ETNK1: variants seen among roughly 807,000 people sequenced by gnomAD.
ETNK1 encodes putative protein product of Nbla10396.
In ETNK1, 8 loss-of-function variants were observed where a neutral mutation model predicts 45.1. That is an observed-to-expected ratio of 0.18 (90% CI 0.10 to 0.32). The LOEUF is 0.32. Ranked by LOEUF, ETNK1 falls within the 10% of genes least tolerant of loss-of-function variation. ETNK1 has a pLI of 1.00. For missense variants in ETNK1, 302 were observed against 430.6 expected (o/e 0.70, Z 2.64); for synonymous variants, 152 against 151.9 (o/e 1.00, Z -0.01).
At chr12:22,627,033 G>C (rs1406993143) in intron 1 of ETNK1, among the ~76,000 whole-genome samples, 1 of 152,086 alleles carries the variant, frequency 6.6e-6, no homozygotes, top group Non-Finnish European at 1.5e-5. Flanking sequence ...TCTAGTGTTG[G>C]CAGATCAGTT....
chr12:22,686,447 G>T lies in ETNK1; in HGVS notation c.*1493G>T, dbSNP rs1954261241. ...TTTATCCTCTGAGAAATCTTCTGAG[G>T]AGTCTAATGTATTCCAAATGACTTA... On this transcript the variant is annotated 3_prime_UTR_variant, in exon 8 of 8. Coordinates refer to ENST00000266517, the MANE Select transcript of ETNK1 (RefSeq NM_018638.5). The T allele has an allele frequency of 6.6e-6, 1 of 152,274 alleles. No homozygotes were observed. Among genetic ancestry groups the T allele is most frequent in the Admixed American group, 6.6e-5 (1 of 15,226 alleles). The allele number at this position is 152,274 out of a possible 1,614,324, so 9.4% of individuals were successfully genotyped here. A position where few individuals can be genotyped will look rare whatever the true frequency, so the allele number is the denominator to read the frequency against.
intron 1 of ETNK1, among the ~76,000 whole-genome samples, chr12:22,639,626 G>A (rs1953709171): frequency 2.0e-5 from 3 of 151,806 alleles, no homozygotes; most frequent in Non-Finnish European, 4.4e-5. Context: ...GCAGTGAGCC[G>A]AGATCGTGCC....
intron 6 of ETNK1, among the ~76,000 whole-genome samples, chr12:22,676,898 C>G (rs1412126535): frequency 6.6e-6 from 1 of 151,130 alleles, no homozygotes; most frequent in Non-Finnish European, 1.5e-5. Context: ...TTTGTAGATT[C>G]TGGATATTAG....
intron 1 of ETNK1, among the ~76,000 whole-genome samples, chr12:22,639,397 C>T (rs1953700745): frequency 6.6e-6 from 1 of 152,074 alleles, no homozygotes; most frequent in African/African-American, 2.4e-5. Context: ...GAAGATCTGG[C>T]CGGGCGCTGT....
At chr12:22,682,052 C>A (rs2137578516) in intron 6 of ETNK1, among the ~76,000 whole-genome samples, 1 of 152,162 alleles carries the variant, frequency 6.6e-6, no homozygotes, top group African/African-American at 2.4e-5. Context: ...TTGAATGATT[C>A]TTTTACCTGT....
chr12:22,633,882 A>G (rs10047544), intron 1 of ETNK1, among the ~76,000 whole-genome samples: 8,950 of 152,004 alleles, frequency 0.059, 840 homozygotes, highest in African/African-American at 0.2. Flanking sequence ...TATGTAGATT[A>G]TTTTGTATTT....
intron 2 of ETNK1, chr12:22,656,844 ATC>A (rs1953948164): frequency 1.0e-6 from 1 of 966,944 alleles, no homozygotes; most frequent in Non-Finnish European, 1.2e-6. Context: ...CTCCTAAATC[ATC>A]TGTTTCATTT....
chr12:22,674,087 G>T (rs1240468033), intron 6 of ETNK1, among the ~76,000 whole-genome samples: 2 of 152,156 alleles, frequency 1.3e-5, no homozygotes, highest in East Asian at 1.9e-4. Context: ...GTAGGATTAT[G>T]TTTTTTATGA....
At chr12:22,632,298 G>A (rs1030788578) in intron 1 of ETNK1, among the ~76,000 whole-genome samples, 7 of 151,712 alleles carry the variant, frequency 4.6e-5, no homozygotes, top group African/African-American at 1.2e-4. Flanking sequence ...ATTCACAACC[G>A]TTTTATTTTT....
chr12:22,667,870 A>G (rs905477341), intron 4 of ETNK1, among the ~76,000 whole-genome samples: 7 of 152,160 alleles, frequency 4.6e-5, no homozygotes, highest in Non-Finnish European at 7.4e-5. Flanking sequence ...TTGGCAGAGT[A>G]TTTTTAGTAT....
intron 6 of ETNK1, among the ~76,000 whole-genome samples, chr12:22,675,245 A>T (rs1954148615): frequency 6.6e-6 from 1 of 151,436 alleles, no homozygotes; most frequent in African/African-American, 2.4e-5. Context: ...TTCTGTGGAG[A>T]TGAGGTCTCT....
chr12:22,664,955 G>A (rs946384812), intron 4 of ETNK1, among the ~76,000 whole-genome samples: 1 of 151,960 alleles, frequency 6.6e-6, no homozygotes, highest in Non-Finnish European at 1.5e-5. Flanking sequence ...ACAAATTTTA[G>A]GCAAACTTCT....
chr12:22,643,679 T>G, intron 1 of ETNK1, 84 bp from the exon 2 acceptor site: 1 of 1,160,274 alleles, frequency 8.6e-7, no homozygotes, highest in Non-Finnish European at 1.2e-6. Flanking sequence ...AATTAGTATT[T>G]AACTCATGAT....
At chr12:22,683,152 G>GT (rs890980501) in intron 6 of ETNK1, among the ~76,000 whole-genome samples, 1 of 151,822 alleles carries the variant, frequency 6.6e-6, no homozygotes, top group African/African-American at 2.4e-5. Flanking sequence ...AGCCCAGCTT[G>GT]TTTTTTTAAC....
In ETNK1 at chr12:22,689,503, A is replaced by G. The variant is rs1160659698; in HGVS notation, c.*4549A>G. 1 of 152,060 alleles carries G rather than the reference A, an allele frequency of 6.6e-6. No homozygotes were observed. The highest frequency in any genetic ancestry group is 1.5e-5 in the Non-Finnish European group (1 of 67,894). 9.4% of individuals were successfully genotyped at this position (152,060 alleles called of 1,614,324 possible). ...CATCTTACCCATTTGTTGTATTTCAAATGCCATTAATCATTTTAGTACAAC... is the reference window on the plus strand; with the variant it reads ...CATCTTACCCATTTGTTGTATTTCAGATGCCATTAATCATTTTAGTACAAC... On this transcript the variant is annotated 3_prime_UTR_variant, in exon 8 of 8. Transcript: ENST00000266517.
intron 2 of ETNK1, among the ~76,000 whole-genome samples, chr12:22,649,449 C>G (rs970649068): frequency 6.6e-6 from 1 of 152,058 alleles, no homozygotes; most frequent in Non-Finnish European, 1.5e-5. Flanking sequence ...TCCAGTTGTT[C>G]AGCACAATTT....
chr12:22,632,262 A>T (rs1248629145), intron 1 of ETNK1, among the ~76,000 whole-genome samples: 4 of 152,104 alleles, frequency 2.6e-5, no homozygotes, highest in Non-Finnish European at 5.9e-5. Flanking sequence ...AGGAGAAAAA[A>T]ATCAATTTCC....
chr12:22,664,830 C>CT (rs1335396863), intron 4 of ETNK1, among the ~76,000 whole-genome samples: 3 of 152,048 alleles, frequency 2.0e-5, no homozygotes, highest in African/African-American at 7.2e-5. Flanking sequence ...GTGTACCCAA[C>CT]TTTGAGATAC....
chr12:22,673,091 G>A (rs377747539), intron 5 of ETNK1, among the ~76,000 whole-genome samples: 25 of 151,716 alleles, frequency 1.6e-4, no homozygotes, highest in Admixed American at 8.5e-4. Flanking sequence ...ACGAGATTCC[G>A]TCTCCAAAAA....
Sources: gnomAD v4.1 joint callset for allele counts (sites outside exome capture counted in the v4.1 genomes callset) on GRCh38, gnomAD v4.1.1 for gene constraint, MANE v1.5 for transcripts, NCBI Gene and HGNC (gene_info 2026-07-23, HGNC 2026-07-21) for gene names.